The following EPB41L1 variants were observed in gnomAD, a reference collection of about 807,000 sequenced individuals.
EPB41L1 encodes the protein band 4.1-like protein 1.
Under a neutral mutation model 97.8 loss-of-function variants are expected in EPB41L1, and 29 were observed. The observed-to-expected ratio is 0.30, with a 90% CI of 0.22 to 0.40. The LOEUF is 0.40. EPB41L1 is among the 10% of genes least tolerant of loss of function. The pLI is 1.00. For missense variants in EPB41L1, 812 were observed against 1,162.3 expected, an observed-to-expected ratio of 0.70 and a Z score of 4.38; for synonymous variants, 383 against 459.2, an observed-to-expected ratio of 0.83 and a Z score of 2.12.
At chr20:36,182,709 T>G (rs972565306) in intron 6 of EPB41L1, among the ~76,000 whole-genome samples, 10 of 152,036 alleles carry the variant, frequency 6.6e-5, no homozygotes, top group African/African-American at 2.4e-4. Flanking sequence ...GATTAAAGAA[T>G]AAAAACCACA....
At chr20:36,183,405 C>T (rs947185168) in intron 6 of EPB41L1, among the ~76,000 whole-genome samples, 2 of 152,332 alleles carry the variant, frequency 1.3e-5, no homozygotes, top group South Asian at 2.1e-4. Context: ...TGGGCTTTGG[C>T]GTCATTAGTC....
intron 5 of EPB41L1, among the ~76,000 whole-genome samples, chr20:36,180,744 G>A (rs1357085775): frequency 6.6e-6 from 1 of 152,180 alleles, no homozygotes; most frequent in Non-Finnish European, 1.5e-5. Flanking sequence ...GCACACAGTA[G>A]CACCCAGTAT....
At chr20:36,213,119 C>G (rs1408549338) in intron 16 of EPB41L1, among the ~76,000 whole-genome samples, 1 of 152,086 alleles carries the variant, frequency 6.6e-6, no homozygotes, top group Non-Finnish European at 1.5e-5. Flanking sequence ...GAAATAAGAC[C>G]AGGCACAGTG....
intron 2 of EPB41L1, among the ~76,000 whole-genome samples, chr20:36,128,690 G>C (rs2059070699): frequency 6.6e-6 from 1 of 152,224 alleles, no homozygotes; most frequent in Non-Finnish European, 1.5e-5. Flanking sequence ...TGATGGGGTT[G>C]CATCTGGTAG....
chr20:36,162,212 G>A (rs1003523352), intron 1 of EPB41L1, among the ~76,000 whole-genome samples: 20 of 152,222 alleles, frequency 1.3e-4, no homozygotes, highest in Admixed American at 5.2e-4. Flanking sequence ...GCTGTTTCCT[G>A]CCCACTCTCA....
At chr20:36,187,586 ATCATGGGT>A in intron 7 of EPB41L1, 82 bp from the exon 8 acceptor site, 1 of 1,043,210 alleles carries the variant, frequency 9.6e-7, no homozygotes, top group Non-Finnish European at 1.5e-6. Context: ...ACTTTCTAGA[ATCATGGGT>A]TCTGATGGTG....
chr20:36,187,297 AAT>A (rs2061723207), intron 7 of EPB41L1, among the ~76,000 whole-genome samples: 1 of 152,216 alleles, frequency 6.6e-6, no homozygotes, highest in African/African-American at 2.4e-5. Context: ...CTGTGTGGGT[AAT>A]AATTTAGGAG....
At chr20:36,187,796 T>C (rs533971388) in intron 8 of EPB41L1, 33 bp downstream of exon 8, 2 of 1,594,850 alleles carry the variant, frequency 1.3e-6, no homozygotes, top group Admixed American at 3.4e-5. Context: ...CCCTAGTGTC[T>C]GGGTGGTGCC....
intron 5 of EPB41L1, among the ~76,000 whole-genome samples, chr20:36,181,889 A>G (rs6060845): frequency 0.36 from 55,042 of 152,082 alleles, 12,644 homozygotes; most frequent in African/African-American, 0.65. Flanking sequence ...ACTTCCAAGC[A>G]GGGTGACCTT....
intron 1 of EPB41L1, among the ~76,000 whole-genome samples, chr20:36,158,636 G>A (rs1024231761): frequency 2.6e-5 from 4 of 152,170 alleles, no homozygotes; most frequent in Non-Finnish European, 5.9e-5. Flanking sequence ...TCCACCAGAC[G>A]TAGGCTATAG....
intron 3 of EPB41L1, among the ~76,000 whole-genome samples, chr20:36,176,360 C>T (rs1285423316): frequency 1.3e-5 from 2 of 152,212 alleles, no homozygotes; most frequent in Admixed American, 6.5e-5. Flanking sequence ...TTCTGACTCC[C>T]GCCCTAATTC....
rs1449651043 is a variant in EPB41L1 at position 36,092,311 on chromosome 20, G to A, written c.-65+699G>A. Among the ~76,000 whole-genome samples the A allele has an allele frequency of 6.6e-6, 1 of 152,170 alleles. No individual in the cohort carries two copies. Among genetic ancestry groups the A allele is most frequent in the Non-Finnish European group, 1.5e-5 (1 of 68,012 alleles). ...TGGCGGGAACCCGGGAGGACGTGGGGGCCCCGGGTGGGGTCTGCTCCTCTT... is the reference window on the plus strand; with the variant it reads ...TGGCGGGAACCCGGGAGGACGTGGGAGCCCCGGGTGGGGTCTGCTCCTCTT... On this transcript the variant is annotated intron_variant, in intron 1 of 19. Transcript: ENST00000202028. This position sits in a 1 kb window ranked among gnomAD's most constrained non-coding sequence, Gnocchi z 7.0.
rs2061322067 is a variant in EPB41L1, at chr20:36,177,990, T to C, written c.381T>C (p.Cys127=). 1 of 1,614,202 alleles carries C rather than the reference T, an allele frequency of 6.2e-7. No homozygotes were observed. Among genetic ancestry groups the C allele is most frequent in the African/African-American group, 1.3e-5 (1 of 75,048 alleles). ...GRGQVLFDLV[C]EHLNLLEKDY... ...GCCAGGTGCTGTTTGACCTGGTCTG[T>C]GAACACCTCAACCTCCTAGAGAAGG... Residue 127 remains cysteine (C), a synonymous_variant, in exon 4 of 22, where the codon TGT becomes TGC. Coordinates refer to ENST00000338074, the MANE Select transcript of EPB41L1 (RefSeq NM_012156.2).
At chr20:36,214,832 T>G (rs535737708) in intron 17 of EPB41L1, among the ~76,000 whole-genome samples, 4 of 151,932 alleles carry the variant, frequency 2.6e-5, no homozygotes, top group Non-Finnish European at 5.9e-5. Flanking sequence ...GGCTGCACAT[T>G]GTCTCATGCC....
At chr20:36,172,340 A>G (rs1042020958) in intron 1 of EPB41L1, among the ~76,000 whole-genome samples, 7 of 152,184 alleles carry the variant, frequency 4.6e-5, no homozygotes, top group African/African-American at 1.7e-4. Context: ...CGGCCTCCCA[A>G]AATGCTGGGA....
At chr20:36,119,165 T>C (rs1290569330) in intron 2 of EPB41L1, among the ~76,000 whole-genome samples, 3 of 152,194 alleles carry the variant, frequency 2.0e-5, no homozygotes, top group Non-Finnish European at 4.4e-5. Flanking sequence ...CACATGACTA[T>C]GGTGTGATTA....
At chr20:36,210,160 T>C (rs1235309752) in intron 15 of EPB41L1, among the ~76,000 whole-genome samples, 1 of 152,190 alleles carries the variant, frequency 6.6e-6, no homozygotes, top group African/African-American at 2.4e-5. Flanking sequence ...GTCTGGTCTT[T>C]CTTGACCCCA....
At position 36,092,652 on chromosome 20, in the gene EPB41L1, G is replaced by C. The variant is rs1735743681; in HGVS notation, c.-65+1040G>C. On this transcript the variant is annotated intron_variant, in intron 1 of 19. Transcript: ENST00000202028. The surrounding 1 kb of genome is among the most constrained non-coding windows in gnomAD (Gnocchi z 7.0). ...GCGAGAGGGGGTGTGGGGGGCGGGC[G>C]AGGAGGGGGCTGAGCGCCGTGGGAG... 2 of 151,700 alleles carry C rather than the reference G, an allele frequency of 1.3e-5. No homozygotes were observed. The highest frequency in any genetic ancestry group is 1.3e-4 in the Admixed American group (2 of 15,228). 9.4% of individuals were successfully genotyped at this position (151,700 alleles called of 1,614,324 possible).
rs188908262 is a variant in EPB41L1 at position 36,114,054 on chromosome 20, G to A, written c.-10+1574G>A. Among the ~76,000 whole-genome samples the A allele has an allele frequency of 1.4e-4, 21 of 152,296 alleles. No individual in the cohort carries two copies. The East Asian group carries it at 3.5e-3, about 25-fold the overall frequency. On this transcript the variant is annotated intron_variant, in intron 2 of 19. Transcript: ENST00000202028. ...TGGGTGCAGTCGGAGCTAGTTGGCCGTGTGTCTAGAGCCCCACATTCAAGT... is the reference window on the plus strand; with the variant it reads ...TGGGTGCAGTCGGAGCTAGTTGGCCATGTGTCTAGAGCCCCACATTCAAGT...
Sources: gnomAD v4.1 joint callset for allele counts (sites outside exome capture counted in the v4.1 genomes callset) on GRCh38, gnomAD v4.1.1 for gene constraint, Gnocchi (gnomAD v3.1) non-coding constraint, MANE v1.5 for transcripts, NCBI Gene and HGNC (gene_info 2026-07-23, HGNC 2026-07-21) for gene names.